JAKMIP3: variants seen among roughly 807,000 people sequenced by gnomAD.
The protein encoded by JAKMIP3 is Janus kinase and microtubule interacting protein 3.
Under a neutral mutation model 118.5 loss-of-function variants are expected in JAKMIP3, and 58 were observed. That is an observed-to-expected ratio of 0.49 (90% CI 0.40 to 0.61). The LOEUF (loss-of-function observed/expected upper bound fraction) is 0.61. JAKMIP3 is among the 20% of genes least tolerant of loss of function. The pLI is 0.00. For synonymous variants in JAKMIP3, 486 were observed against 451.2 expected (o/e 1.08, Z -0.98); for missense variants, 950 against 1,109.0 (o/e 0.86, Z 2.04).
chr10:132,128,743 T>A lies in JAKMIP3; in HGVS notation c.634-4569T>A, dbSNP rs562932777. ...AGGATTTGAGTGCCTACTTCTTTTT[T>A]AAAATAGATCCTAATTCTCATTTGA... is the stretch of plus-strand genomic sequence containing the variant. On this transcript the variant is annotated intron_variant, in intron 3 of 23. Coordinates refer to ENST00000684848, the MANE Select transcript of JAKMIP3 (RefSeq NM_001323087.2). Among the ~76,000 whole-genome samples, 11 of 152,274 alleles carry A rather than the reference T, an allele frequency of 7.2e-5. No individual in the cohort carries two copies. In the South Asian group the frequency reaches 1.9e-3, roughly 26 times the overall value.
At chr10:132,163,072 C>T (rs1456932697) in intron 19 of JAKMIP3, 137 bp from the exon 20 acceptor site, 4 of 816,302 alleles carry the variant, frequency 4.9e-6, no homozygotes, top group African/African-American at 3.4e-5. Context: ...GCAGAGGCCA[C>T]AGCACTGGGT....
intron 1 of JAKMIP3, among the ~76,000 whole-genome samples, chr10:132,043,256 G>A (rs1055862618): frequency 6.6e-6 from 1 of 152,128 alleles, no homozygotes; most frequent in African/African-American, 2.4e-5. Context: ...CCAGGCTGGA[G>A]TGTAGTGGTG....
chr10:132,168,392 G>A lies in JAKMIP3; in HGVS notation c.*462G>A, dbSNP rs1246505621. 1 of 1,289,382 alleles carries A rather than the reference G, an allele frequency of 7.8e-7. No individual in the cohort carries two copies. The highest frequency in any genetic ancestry group is 1.0e-6 in the Non-Finnish European group (1 of 988,790). The allele number at this position is 1,289,382 out of a possible 1,614,324, so 79.9% of individuals were successfully genotyped here. A position where few individuals can be genotyped will look rare whatever the true frequency, so the allele number is the denominator to read the frequency against. Reference sequence around the variant, plus strand: ...TTCAGAAACAACAGAGGCTTGGCCTGATGACAAGATGAAAGCTGGACGGTG... The same window carrying A: ...TTCAGAAACAACAGAGGCTTGGCCTAATGACAAGATGAAAGCTGGACGGTG... On this transcript the variant is annotated 3_prime_UTR_variant, in exon 23 of 24. Transcript: ENST00000684848.
At chr10:132,072,514 G>A (rs964477637) in intron 1 of JAKMIP3, among the ~76,000 whole-genome samples, 6 of 152,100 alleles carry the variant, frequency 3.9e-5, no homozygotes, top group African/African-American at 1.4e-4. Context: ...CAACCTGGGG[G>A]ACAGATCAAC....
chr10:132,148,200 G>A lies in JAKMIP3; in HGVS notation c.1848+150G>A, dbSNP rs190670662. 317 of 560,502 alleles carry A rather than the reference G, an allele frequency of 5.7e-4. 2 individuals are homozygous for A. The highest frequency in any genetic ancestry group is 5.4e-3 in the African/African-American group (287 of 52,788). 34.7% of individuals were successfully genotyped at this position (560,502 alleles called of 1,614,324 possible). ...TCAGGGAGGAAAGAGGCAAATGGCC[G>A]TAAACCGCCACCTCTTCATACCGGC... On this transcript the variant is annotated intron_variant, in intron 14 of 23. Transcript: ENST00000684848.
At chr10:132,088,543 G>T (rs2042696323) in intron 1 of JAKMIP3, among the ~76,000 whole-genome samples, 2 of 152,040 alleles carry the variant, frequency 1.3e-5, no homozygotes, top group Admixed American at 6.6e-5. Context: ...CACCCACTTT[G>T]TGATGGGGTT....
chr10:132,039,919 T>C (rs2037667646), intron 1 of JAKMIP3, among the ~76,000 whole-genome samples: 1 of 152,252 alleles, frequency 6.6e-6, no homozygotes, highest in Non-Finnish European at 1.5e-5. Context: ...CACTAAGCAC[T>C]TGGGTTCCTT....
intron 1 of JAKMIP3, among the ~76,000 whole-genome samples, chr10:132,071,939 T>G (rs950510296): frequency 4.9e-5 from 1 of 20,464 alleles, no homozygotes; most frequent in Non-Finnish European, 7.2e-5. Context: ...TTCTTTCCTT[T>G]TTTTCCTTTC....
chr10:132,167,883 C>T lies in JAKMIP3; in HGVS notation c.*23-70C>T, dbSNP rs1025801445. On this transcript the variant is annotated intron_variant, in intron 22 of 23. Transcript: ENST00000684848. ...CCCTCGGCCCTCGCCCCTCGCCCCTCGGCCCTCGCCCCTCACTCCAGCCAA... is the reference window on the plus strand; with the variant it reads ...CCCTCGGCCCTCGCCCCTCGCCCCTTGGCCCTCGCCCCTCACTCCAGCCAA... The T allele has an allele frequency of 1.4e-5, 17 of 1,183,128 alleles. No individual in the cohort carries two copies. In the East Asian group the frequency reaches 9.8e-4, roughly 68 times the overall value. 73.3% of individuals were successfully genotyped at this position (1,183,128 alleles called of 1,614,324 possible).
chr10:132,170,778 G>A (rs565146151), intron 23 of JAKMIP3, among the ~76,000 whole-genome samples: 4 of 152,286 alleles, frequency 2.6e-5, no homozygotes, highest in Non-Finnish European at 4.4e-5. Context: ...GCGCCGCTCC[G>A]CTCGGGGGCT....
intron 3 of JAKMIP3, 52 bp from the exon 4 acceptor site, chr10:132,133,260 C>T: frequency 1.4e-6 from 2 of 1,445,650 alleles, no homozygotes; most frequent in Admixed American, 3.9e-5. Context: ...TCTATGGTAA[C>T]TGCAGATCCG....
chr10:132,130,728 G>A (rs1281471292), intron 3 of JAKMIP3, among the ~76,000 whole-genome samples: 1 of 152,240 alleles, frequency 6.6e-6, no homozygotes, highest in Non-Finnish European at 1.5e-5. Context: ...TGATGACGTG[G>A]CCTGTGTAGT....
At chr10:132,180,180 C>T (rs998195319) in intron 23 of JAKMIP3, among the ~76,000 whole-genome samples, 14 of 152,170 alleles carry the variant, frequency 9.2e-5, no homozygotes, top group Admixed American at 2.6e-4. Context: ...CAGACGCCAG[C>T]CAATGGCCAC....
intron 23 of JAKMIP3, among the ~76,000 whole-genome samples, chr10:132,180,287 C>T (rs918928744): frequency 2.6e-5 from 4 of 152,018 alleles, no homozygotes; most frequent in Admixed American, 2.0e-4. Context: ...TGCTTGGGGG[C>T]ATTGAGGAGC....
chr10:132,104,197 G>T (rs921057828), intron 1 of JAKMIP3, among the ~76,000 whole-genome samples: 1 of 152,092 alleles, frequency 6.6e-6, no homozygotes, highest in Non-Finnish European at 1.5e-5. Flanking sequence ...GTGCGCTTCT[G>T]TTCCAGTCCC....
At chr10:132,161,520 G>GT (rs1313572566) in intron 19 of JAKMIP3, among the ~76,000 whole-genome samples, 21 of 78,946 alleles carry the variant, frequency 2.7e-4, no homozygotes, top group South Asian at 1.5e-3. Flanking sequence ...GTGATGCTGG[G>GT]GGGCCTCTCC....
chr10:132,094,223 A>C (rs1481624223), intron 1 of JAKMIP3, among the ~76,000 whole-genome samples: 2 of 151,954 alleles, frequency 1.3e-5, no homozygotes, highest in South Asian at 4.1e-4. Context: ...CTCCTTGGTT[A>C]ACTTAATAAC....
At chr10:132,038,817 T>TA (rs937327685) in intron 1 of JAKMIP3, among the ~76,000 whole-genome samples, 1 of 144,362 alleles carries the variant, frequency 6.9e-6, no homozygotes. Context: ...AAAACCATCA[T>TA]AAACATACTT....
chr10:132,163,185 A>G, intron 19 of JAKMIP3, 24 bp from the exon 20 acceptor site: 1 of 1,544,500 alleles, frequency 6.5e-7, no homozygotes, highest in Non-Finnish European at 8.8e-7. Flanking sequence ...GGCAAGGACT[A>G]AGGCGTCTCC....
Sources: allele counts gnomAD v4.1 joint callset (sites outside exome capture counted in the v4.1 genomes callset), GRCh38; gene constraint gnomAD v4.1.1; transcripts MANE v1.5; gene names NCBI Gene and HGNC (gene_info 2026-07-23, HGNC 2026-07-21).